The following JPH3 variants were observed in gnomAD, a reference collection of about 807,000 sequenced individuals.
The protein encoded by JPH3 is junctophilin-3.
Under a neutral mutation model 59.6 loss-of-function variants are expected in JPH3, and 11 were observed. That is an observed-to-expected ratio of 0.18 (90% CI 0.12 to 0.31). The LOEUF is 0.31. Ranked by LOEUF, JPH3 falls within the 10% of genes least tolerant of loss-of-function variation. JPH3 has a pLI of 1.00. For synonymous variants in JPH3, 673 were observed against 483.6 expected (o/e 1.39, Z -5.14); for missense variants, 1,202 against 1,105.7 (o/e 1.09, Z -1.24).
chr16:87,618,800 T>C (rs1942016914), intron 1 of JPH3, among the ~76,000 whole-genome samples: 1 of 151,942 alleles, frequency 6.6e-6, no homozygotes, highest in African/African-American at 2.4e-5. Flanking sequence ...AAAAATTGGG[T>C]TATTTCAGGC....
At chr16:87,605,031 T>C in intron 1 of JPH3, 1 of 431,440 alleles carries the variant, frequency 2.3e-6, no homozygotes, top group South Asian at 1.6e-5. Flanking sequence ...GGGCAGCAGA[T>C]GTGGGTGGCT....
intron 2 of JPH3, among the ~76,000 whole-genome samples, chr16:87,665,471 T>C (rs551477295): frequency 6.6e-6 from 1 of 152,342 alleles, no homozygotes; most frequent in East Asian, 1.9e-4. Context: ...TGGAGAATCG[T>C]GATTCTGGGA....
chr16:87,620,470 G>GA (rs1567584970), intron 1 of JPH3, among the ~76,000 whole-genome samples: 159 of 134,218 alleles, frequency 1.2e-3, no homozygotes, highest in African/African-American at 4.2e-3. Context: ...GAGAGGGAGA[G>GA]AAGGAGAGAA....
intron 1 of JPH3, among the ~76,000 whole-genome samples, chr16:87,619,618 C>T (rs2031098925): frequency 6.6e-6 from 1 of 152,190 alleles, no homozygotes; most frequent in Admixed American, 6.5e-5. Context: ...CTATCTGGCT[C>T]TGCTTACCAG....
At chr16:87,615,070 G>A (rs774904599) in intron 1 of JPH3, among the ~76,000 whole-genome samples, 1 of 152,110 alleles carries the variant, frequency 6.6e-6, no homozygotes, top group African/African-American at 2.4e-5. Flanking sequence ...CTGCACACGT[G>A]AGGAGCTGTG....
At chr16:87,608,774 C>T (rs554184176) in intron 1 of JPH3, among the ~76,000 whole-genome samples, 3 of 152,278 alleles carry the variant, frequency 2.0e-5, no homozygotes, top group African/African-American at 4.8e-5. Context: ...GTGGGGGCCA[C>T]GCCTGCGATC....
chr16:87,645,729 C>A (rs1396349113), intron 2 of JPH3, among the ~76,000 whole-genome samples: 1 of 152,098 alleles, frequency 6.6e-6, no homozygotes, highest in East Asian at 1.9e-4. Context: ...AGGATGGGGC[C>A]TTTAGGGCTG....
chr16:87,661,065 AATAC>A (rs533236711), intron 2 of JPH3, among the ~76,000 whole-genome samples: 17 of 152,320 alleles, frequency 1.1e-4, no homozygotes, highest in South Asian at 8.3e-4. Context: ...CGAAATTTAT[AATAC>A]ATAAGTTTCT....
intron 2 of JPH3, among the ~76,000 whole-genome samples, chr16:87,676,634 T>C (rs1264834719): frequency 6.6e-6 from 1 of 151,464 alleles, no homozygotes; most frequent in Non-Finnish European, 1.5e-5. Context: ...CATGGGTGCC[T>C]GAGGCAGCAG....
At chr16:87,641,884 A>C (rs2031965628) in intron 1 of JPH3, among the ~76,000 whole-genome samples, 1 of 152,190 alleles carries the variant, frequency 6.6e-6, no homozygotes, top group African/African-American at 2.4e-5. Flanking sequence ...ACATTCTGGA[A>C]CATCTAAGAC....
In JPH3 at chr16:87,644,346, C is replaced by A. The variant is rs775137151; in HGVS notation, c.471C>A (p.Arg157=). 4 of 1,612,886 alleles carry A rather than the reference C, an allele frequency of 2.5e-6. No individual in the cohort carries two copies. The African/African-American group carries it at 4.0e-5, about 16-fold the overall frequency. ...SVPYGMAAVI[R]SPLRTSINSL... The stretch of plus-strand genomic sequence containing the variant: ...CGTATGGCATGGCCGCGGTCATCCG[C>A]TCACCCCTGAGGACGTCCATCAACT... Residue 157 remains arginine (R), a synonymous_variant, in exon 2 of 5, where the codon CGC becomes CGA. Transcript: ENST00000284262.
At chr16:87,670,532 C>A (rs960114452) in intron 2 of JPH3, among the ~76,000 whole-genome samples, 2 of 152,256 alleles carry the variant, frequency 1.3e-5, no homozygotes, top group African/African-American at 2.4e-5. Context: ...CCAGGCCCAG[C>A]CTCCTGTTGG....
intron 1 of JPH3, among the ~76,000 whole-genome samples, chr16:87,637,898 G>A (rs2031810753): frequency 6.6e-6 from 1 of 152,050 alleles, no homozygotes; most frequent in Admixed American, 6.6e-5. Flanking sequence ...GAGCAGTGCT[G>A]TTTTGTGTTT....
chr16:87,659,374 CAAAAAAAAAAAA>C (rs1291012552), intron 2 of JPH3, among the ~76,000 whole-genome samples: 1 of 74,556 alleles, frequency 1.3e-5, no homozygotes, highest in African/African-American at 6.2e-5. Flanking sequence ...AAGACTGTCT[CAAAAAAAAAAAA>C]GAAAAAAAAA....
Position 87,696,917 on chromosome 16 carries a change from C to T in JPH3, c.*257C>T. ...ATGGCAGAAGGAGGCCAGCACGCAG[C>T]CCCTCCAGCTCCACGTGGAGACAGA... On this transcript the variant is annotated 3_prime_UTR_variant, in exon 5 of 5. Transcript: ENST00000284262. 2.1e-6 allele frequency: 1 copy of T among 468,598 alleles called. No homozygotes were observed. Among genetic ancestry groups the T allele is most frequent in the Non-Finnish European group, 3.9e-6 (1 of 254,818 alleles). The allele number at this position is 468,598 out of a possible 1,614,324, so 29.0% of individuals were successfully genotyped here. A position where few individuals can be genotyped will look rare whatever the true frequency, so the allele number is the denominator to read the frequency against.
At chr16:87,680,786 C>T (rs1201471990) in intron 2 of JPH3, among the ~76,000 whole-genome samples, 4 of 152,236 alleles carry the variant, frequency 2.6e-5, no homozygotes, top group Admixed American at 6.5e-5. Flanking sequence ...TCCTCCATGA[C>T]GTGCTTGTCT....
intron 2 of JPH3, among the ~76,000 whole-genome samples, chr16:87,679,876 C>G (rs2033242681): frequency 6.6e-6 from 1 of 152,248 alleles, no homozygotes; most frequent in South Asian, 2.1e-4. Flanking sequence ...CCCAGCTGGT[C>G]TTGGGAGGAG....
intron 2 of JPH3, among the ~76,000 whole-genome samples, chr16:87,655,558 T>C (rs2032472040): frequency 6.6e-6 from 1 of 152,170 alleles, no homozygotes; most frequent in South Asian, 2.1e-4. Context: ...CTCACTGTGT[T>C]GACCAGGCTG....
chr16:87,658,438 A>G (rs2032582872), intron 2 of JPH3, among the ~76,000 whole-genome samples: 1 of 136,376 alleles, frequency 7.3e-6, no homozygotes, highest in Non-Finnish European at 1.5e-5. Context: ...CTATCTCCCT[A>G]TCTGCTTTGC....
Sources: gnomAD v4.1 joint callset for allele counts (sites outside exome capture counted in the v4.1 genomes callset) on GRCh38, gnomAD v4.1.1 for gene constraint, MANE v1.5 for transcripts, NCBI Gene and HGNC (gene_info 2026-07-23, HGNC 2026-07-21) for gene names.